GFM2: variants seen among roughly 807,000 people sequenced by gnomAD.
The protein encoded by GFM2 is GTP dependent ribosome recycling factor mitochondrial 2, also known as ribosome-releasing factor 2, mitochondrial.
In GFM2, 72 loss-of-function variants were observed where a neutral mutation model predicts 95.4. The ratio of observed to expected loss-of-function variants is 0.76; its 90% CI spans 0.62 to 0.92. The LOEUF (loss-of-function observed/expected upper bound fraction) is 0.92, where lower values mean the gene tolerates loss of function less well. Ranked by LOEUF, GFM2 falls within the 40% of genes least tolerant of loss-of-function variation. The probability of loss-of-function intolerance (pLI) is 0.00; values close to 1 mark genes in which losing one functional copy is unlikely to be tolerated. For synonymous variants in GFM2, 276 were observed against 317.5 expected (o/e 0.87, Z 1.39); for missense variants, 825 against 924.1 (o/e 0.89, Z 1.39).
intron 10 of GFM2, 87 bp from the exon 11 acceptor site, chr5:74,741,696 C>A: frequency 1.6e-6 from 1 of 642,656 alleles, no homozygotes. Flanking sequence ...AGACAATATT[C>A]AAATATTTCA....
At position 74,726,095 on chromosome 5, in the gene GFM2, C is replaced by G. The variant is rs767624997; in HGVS notation, c.1758G>C (p.Arg586Ser). Residue 586 changes from arginine (R) to serine (S), a missense_variant, in exon 18 of 21, where the codon AGG becomes AGC. Transcript: ENST00000296805. ...CTTCCACTTCTACAGTCACAAGATG[C>G]CTTTTGTCTCCTAAAGTTCTATCTA... The part of the protein sequence containing the change: ...DTLDRTLGDK[R>S]HLVTVEVEAR... 10 of 1,610,026 alleles carry G rather than the reference C, an allele frequency of 6.2e-6. No homozygotes were observed. The highest frequency in any genetic ancestry group is 8.5e-6 in the Non-Finnish European group (10 of 1,178,908).
rs1274837560 is a variant in GFM2 at position 74,721,302 on chromosome 5, ATCTT to A, written c.*349_*352del. On this transcript the variant is annotated 3_prime_UTR_variant, in exon 21 of 21. Coordinates refer to ENST00000296805, the MANE Select transcript of GFM2 (RefSeq NM_032380.5). ...TTATTGATTGAACCTTTGACCCTCT[ATCTT>A]ATTACATTTAGAGGCCTGGCATCTT... The A allele has an allele frequency of 3.5e-6, 3 of 848,402 alleles. No homozygotes were observed. The highest frequency in any genetic ancestry group is 3.4e-5 in the African/African-American group (2 of 59,498). 52.6% of individuals were successfully genotyped at this position (848,402 alleles called of 1,614,324 possible).
Position 74,721,542 on chromosome 5 carries a change from T to C in GFM2, c.*113A>G, listed in dbSNP as rs1749878472. 1 of 1,137,608 alleles carries C rather than the reference T, an allele frequency of 8.8e-7. No homozygotes were observed. Among genetic ancestry groups the C allele is most frequent in the East Asian group, 2.3e-5 (1 of 42,750 alleles). 70.5% of individuals were successfully genotyped at this position (1,137,608 alleles called of 1,614,324 possible). A position where few individuals can be genotyped will look rare whatever the true frequency, so the allele number is the denominator to read the frequency against. On this transcript the variant is annotated 3_prime_UTR_variant, in exon 21 of 21. Transcript: ENST00000296805. ...AAGTTATATCTTTTATCTAGTTCTCTGAATGTACTGAAACAGTACTTTATT... is the reference window on the plus strand; with the variant it reads ...AAGTTATATCTTTTATCTAGTTCTCCGAATGTACTGAAACAGTACTTTATT...
chr5:74,745,903 A>G (rs1314820878), intron 9 of GFM2, 46 bp from the exon 10 acceptor site: 1 of 1,458,690 alleles, frequency 6.9e-7, no homozygotes, highest in African/African-American at 1.4e-5. Context: ...TCACTCACTG[A>G]AAACTACAAT....
Position 74,758,887 on chromosome 5 carries a change from C to A in GFM2, c.266G>T (p.Arg89Ile). Residue 89 changes from arginine (R) to isoleucine (I), a missense_variant, in exon 5 of 21, where the codon AGA becomes ATA. Arg to Ile is a moderately conservative substitution (Grantham distance 97, BLOSUM62 -3). Coordinates refer to ENST00000296805, the MANE Select transcript of GFM2 (RefSeq NM_032380.5). ...TGTATATCCGGAATAGTACAATATT[C>A]TTTCTGTGGTGGTAGTTTTGCCTGC... Reference protein sequence around the residue: ...IDAGKTTTTERILYYSGYTRS... With the variant: ...IDAGKTTTTEIILYYSGYTRS... 6.2e-7 allele frequency: 1 copy of A among 1,609,816 alleles called. No homozygotes were observed. The highest frequency in any genetic ancestry group is 8.5e-7 in the Non-Finnish European group (1 of 1,176,238).
chr5:74,729,114 T>C (rs547115924), intron 17 of GFM2, among the ~76,000 whole-genome samples: 2 of 152,288 alleles, frequency 1.3e-5, no homozygotes, highest in African/African-American at 4.8e-5. Flanking sequence ...TCCAGGTTCC[T>C]TGGGATACTA....
chr5:74,757,922 T>C (rs1276257235), intron 5 of GFM2, among the ~76,000 whole-genome samples: 1 of 151,956 alleles, frequency 6.6e-6, no homozygotes, highest in East Asian at 1.9e-4. Context: ...AGAAGGATGG[T>C]TGCAAGGGAC....
intron 6 of GFM2, 90 bp from the exon 7 acceptor site, chr5:74,750,757 G>T: frequency 1.2e-6 from 1 of 867,444 alleles, no homozygotes; most frequent in Non-Finnish European, 1.9e-6. Flanking sequence ...GGGGAGGGGT[G>T]TGTGTGTATA....
At chr5:74,724,949 A>G (rs1248375624) in intron 19 of GFM2, 2 of 152,230 alleles carry the variant, frequency 1.3e-5, no homozygotes, top group Non-Finnish European at 2.9e-5. Context: ...ACACTTAAGG[A>G]CAAACTCCCC....
chr5:74,754,178 C>T (rs1291197197), intron 5 of GFM2, among the ~76,000 whole-genome samples: 2 of 152,188 alleles, frequency 1.3e-5, no homozygotes, highest in East Asian at 3.9e-4. Context: ...GAACTCACCA[C>T]TAGCAAGCCA....
At chr5:74,735,061 C>A (rs897568797) in intron 15 of GFM2, among the ~76,000 whole-genome samples, 1 of 152,140 alleles carries the variant, frequency 6.6e-6, no homozygotes, top group Non-Finnish European at 1.5e-5. Context: ...GTTTGGGCAG[C>A]CCCTGCTCTT....
Position 74,750,627 on chromosome 5 carries a change from T to C in GFM2, c.471A>G (p.Arg157=). 6.2e-7 allele frequency: 1 copy of C among 1,613,428 alleles called. No homozygotes were observed. The highest frequency in any genetic ancestry group is 8.5e-7 in the Non-Finnish European group (1 of 1,179,578). ...ATACAGCCACTGCACCATCCAACAC[T>C]CTTAGGCACCGCTCAACCTCCAAGG... The part of the protein sequence containing the change: ...DFTLEVERCL[R]VLDGAVAVFD... The change falls in exon 7 of 21, where the codon AGA becomes AGG. Residue 157 remains arginine, a synonymous_variant. Transcript: ENST00000296805.
rs779489724 is a variant in GFM2, at chr5:74,738,319, T to G, written c.1319A>C (p.His440Pro). The G allele has an allele frequency of 2.5e-6, 4 of 1,607,610 alleles. No homozygotes were observed. The highest frequency in any genetic ancestry group is 2.5e-6 in the Non-Finnish European group (3 of 1,176,762). The change falls in exon 14 of 21, where the codon CAT (histidine) becomes CCT (proline). Residue 440 changes from histidine to proline, a missense_variant and splice_region_variant. His to Pro is a moderately conservative substitution (Grantham distance 77). Coordinates refer to ENST00000296805, the MANE Select transcript of GFM2 (RefSeq NM_032380.5). ...GNIALTVGLKHTATGDTIVSS... is the reference protein window; with the variant it reads ...GNIALTVGLKPTATGDTIVSS... ...TAGAGAAATCATTTGGTCACTTACA[T>G]GTTTAAGCCCAACAGTCAAAGCAAT...
intron 15 of GFM2, among the ~76,000 whole-genome samples, chr5:74,733,910 G>A (rs1172363699): frequency 6.6e-5 from 10 of 152,042 alleles, no homozygotes; most frequent in Non-Finnish European, 1.3e-4. Flanking sequence ...ATTTTAGATG[G>A]CATTAAGTAT....
chr5:74,730,957 G>GC (rs1271818043), intron 16 of GFM2, among the ~76,000 whole-genome samples: 1 of 152,078 alleles, frequency 6.6e-6, no homozygotes, highest in Non-Finnish European at 1.5e-5. Flanking sequence ...GGGATTACAG[G>GC]CATGTGCCAC....
At chr5:74,760,677 C>A (rs1246896028) in intron 3 of GFM2, among the ~76,000 whole-genome samples, 1 of 152,200 alleles carries the variant, frequency 6.6e-6, no homozygotes, top group Non-Finnish European at 1.5e-5. Context: ...ACCAACCTTT[C>A]CTTTGCTCAG....
chr5:74,750,646 TC>T lies in GFM2; in HGVS notation c.451del (p.Glu151ArgfsTer6). 1 of 1,613,032 alleles carries T rather than the reference TC, an allele frequency of 6.2e-7. No individual in the cohort carries two copies. Among genetic ancestry groups the T allele is most frequent in the South Asian group, 1.1e-5 (1 of 90,988 alleles). On this transcript the variant is annotated frameshift_variant, in exon 7 of 21. Transcript: ENST00000296805. LOFTEE classifies it high-confidence loss of function. ...CAACACTCTTAGGCACCGCTCAACCTCCAAGGTAAAGTCCACATGACCTAAG... is the reference window on the plus strand; with the variant it reads ...CAACACTCTTAGGCACCGCTCAACCTCAAGGTAAAGTCCACATGACCTAAG... ...DTPGHVDFTL[E>X]VERCLRVLDG...
intron 18 of GFM2, 85 bp downstream of exon 18, chr5:74,725,856 A>C: frequency 6.8e-7 from 1 of 1,466,858 alleles, no homozygotes; most frequent in East Asian, 2.3e-5. Context: ...CAAAGTTAGG[A>C]AAAAGACTGA....
chr5:74,742,463 G>A (rs1291103749), intron 10 of GFM2, among the ~76,000 whole-genome samples: 1 of 152,086 alleles, frequency 6.6e-6, no homozygotes, highest in Non-Finnish European at 1.5e-5. Flanking sequence ...GATGATAGTA[G>A]TATCTACTTC....
Sources: gnomAD v4.1 joint callset for allele counts (sites outside exome capture counted in the v4.1 genomes callset) on GRCh38, gnomAD v4.1.1 for gene constraint, MANE v1.5 for transcripts, NCBI Gene and HGNC (gene_info 2026-07-23, HGNC 2026-07-21) for gene names.